GPC5: variants seen among roughly 807,000 people sequenced by gnomAD.
GPC5 encodes glypican-5.
Under a neutral mutation model 53.9 loss-of-function variants are expected in GPC5, and 47 were observed. The observed-to-expected ratio is 0.87, with a 90% CI of 0.69 to 1.11. GPC5 has a LOEUF of 1.11. Among genes scored for constraint, GPC5 ranks in the 50% most tolerant of loss-of-function variants. The pLI, the probability that GPC5 is intolerant of heterozygous loss-of-function variation, is 0.00. For synonymous variants in GPC5, 286 were observed against 263.3 expected, an observed-to-expected ratio of 1.09 and a Z score of -0.84; for missense variants, 748 against 713.1, an observed-to-expected ratio of 1.05 and a Z score of -0.56.
intron 2 of GPC5, among the ~76,000 whole-genome samples, chr13:91,643,169 G>C (rs1249596360): frequency 2.0e-5 from 3 of 152,110 alleles, no homozygotes; most frequent in African/African-American, 7.2e-5. Context: ...AAAGCAAGGG[G>C]TAAGAAAGTT....
At chr13:91,445,083 C>T (rs1880690912) in intron 1 of GPC5, among the ~76,000 whole-genome samples, 2 of 152,168 alleles carry the variant, frequency 1.3e-5, no homozygotes, top group Admixed American at 6.5e-5. Flanking sequence ...TTATTTTTCC[C>T]TTCTTCACGG....
At chr13:91,977,854 G>A (rs1183612094) in intron 6 of GPC5, among the ~76,000 whole-genome samples, 2 of 151,786 alleles carry the variant, frequency 1.3e-5, no homozygotes, top group African/African-American at 2.4e-5. Context: ...GATCATGCCT[G>A]TAATCTCGGC....
At chr13:91,578,673 CATAT>C (rs3055891) in intron 2 of GPC5, among the ~76,000 whole-genome samples, 43,419 of 148,956 alleles carry the variant, frequency 0.29, 6,386 homozygotes, top group Middle Eastern at 0.37. Flanking sequence ...ATTTTTGATT[CATAT>C]ATATATATAT....
chr13:91,834,130 G>A (rs1461259623), intron 5 of GPC5, among the ~76,000 whole-genome samples: 6 of 152,104 alleles, frequency 3.9e-5, no homozygotes, highest in Non-Finnish European at 7.4e-5. Flanking sequence ...AATCATGAGT[G>A]AACTCCCATT....
chr13:91,531,913 T>C (rs1040482540), intron 2 of GPC5, among the ~76,000 whole-genome samples: 2 of 152,226 alleles, frequency 1.3e-5, no homozygotes, highest in African/African-American at 4.8e-5. Flanking sequence ...CTCTTAGATC[T>C]TTCTGCTAAT....
At chr13:91,884,257 T>G (rs2138955953) in intron 5 of GPC5, among the ~76,000 whole-genome samples, 1 of 152,224 alleles carries the variant, frequency 6.6e-6, no homozygotes, top group Admixed American at 6.5e-5. Flanking sequence ...GTATATATAC[T>G]CAAAGGAATA....
At chr13:91,634,192 A>G (rs1359063437) in intron 2 of GPC5, among the ~76,000 whole-genome samples, 1 of 152,084 alleles carries the variant, frequency 6.6e-6, no homozygotes, top group East Asian at 1.9e-4. Flanking sequence ...TTATTCAATA[A>G]TCTATTTCTA....
At chr13:92,676,787 T>G (rs1221421690) in intron 7 of GPC5, among the ~76,000 whole-genome samples, 4 of 152,136 alleles carry the variant, frequency 2.6e-5, no homozygotes. Context: ...ATCTTTTAAT[T>G]AAGAGTACCG....
In GPC5 at chr13:92,609,915, C is replaced by A. The variant is rs1356842582; in HGVS notation, c.1562-256367C>A. 2.0e-5 allele frequency among the ~76,000 whole-genome samples: 3 copies of A among 151,344 alleles called. No homozygotes were observed. In the East Asian group the frequency reaches 5.9e-4, roughly 30 times the overall value. On this transcript the variant is annotated intron_variant, in intron 7 of 7. Transcript: ENST00000377067. ...GCATGGTGGCATGTGCCTGTAATCC[C>A]AGCTCCTCTGGAGGCTGAGGCAGGA...
rs923882962 is a variant in GPC5, at chr13:91,667,869, T to C, written c.326-25318T>C. Among the ~76,000 whole-genome samples, 4 of 152,116 alleles carry C rather than the reference T, an allele frequency of 2.6e-5. No individual in the cohort carries two copies. The East Asian group carries it at 7.7e-4, about 29-fold the overall frequency. On this transcript the variant is annotated intron_variant, in intron 2 of 7. Transcript: ENST00000377067. ...GCCTAGAGAACTAGGCAATCTCATC[T>C]CCTCCAGTGAGGCTCTGGACCCTGC...
In GPC5 at chr13:92,398,134, G is replaced by T. The variant is rs186372092; in HGVS notation, c.1561+253145G>T. On this transcript the variant is annotated intron_variant, in intron 7 of 7. Transcript: ENST00000377067. ...AAGAATCAGAAAAAGTTAAAAACAG[G>T]ATTAATTTATTTTAAAAAATTATTC... 2.3e-3 allele frequency among the ~76,000 whole-genome samples: 343 copies of T among 152,118 alleles called. 3 individuals carry two copies. Among genetic ancestry groups the T allele is most frequent in the Non-Finnish European group, 2.0e-3 (133 of 67,998 alleles).
chr13:92,131,914 A>C (rs2041747150), intron 6 of GPC5, among the ~76,000 whole-genome samples: 1 of 105,214 alleles, frequency 9.5e-6, no homozygotes, highest in South Asian at 4.3e-4. Context: ...CCACCATTAT[A>C]CACTTAAGTA....
intron 5 of GPC5, among the ~76,000 whole-genome samples, chr13:91,830,859 A>G (rs2038646292): frequency 7.9e-6 from 1 of 126,428 alleles, no homozygotes; most frequent in African/African-American, 3.0e-5. Flanking sequence ...TATATATCCT[A>G]TTATATATAA....
At chr13:92,020,530 T>A (rs1243771162) in intron 6 of GPC5, among the ~76,000 whole-genome samples, 1 of 152,120 alleles carries the variant, frequency 6.6e-6, no homozygotes, top group Non-Finnish European at 1.5e-5. Flanking sequence ...AAATGATATC[T>A]CATTGTGGTT....
chr13:92,576,172 T>G (rs1289422317), intron 7 of GPC5, among the ~76,000 whole-genome samples: 1 of 152,234 alleles, frequency 6.6e-6, no homozygotes, highest in Non-Finnish European at 1.5e-5. Flanking sequence ...CTTCATAACA[T>G]TAGTTTTTGA....
chr13:91,408,543 T>C (rs901142773), intron 1 of GPC5, among the ~76,000 whole-genome samples: 1 of 152,084 alleles, frequency 6.6e-6, no homozygotes, highest in Non-Finnish European at 1.5e-5. Flanking sequence ...TTGTGGCTGG[T>C]TATTTGTTTA....
At chr13:91,714,714 G>A (rs903725016) in intron 3 of GPC5, among the ~76,000 whole-genome samples, 12 of 152,090 alleles carry the variant, frequency 7.9e-5, no homozygotes, top group African/African-American at 2.7e-4. Context: ...AGGAGTTAGA[G>A]AAGCAAGCAA....
chr13:92,182,878 A>C (rs2042157740), intron 7 of GPC5, among the ~76,000 whole-genome samples: 1 of 140,990 alleles, frequency 7.1e-6, no homozygotes, highest in Non-Finnish European at 1.6e-5. Flanking sequence ...CAAAAAAAGA[A>C]AAAAAAAAAA....
At chr13:92,730,642 C>T (rs1489430453) in intron 7 of GPC5, among the ~76,000 whole-genome samples, 1 of 150,910 alleles carries the variant, frequency 6.6e-6, no homozygotes, top group Non-Finnish European at 1.5e-5. Context: ...GTTCCAGTAT[C>T]ATTTATTGAA....
Sources: gnomAD v4.1 joint callset for allele counts (sites outside exome capture counted in the v4.1 genomes callset) on GRCh38, gnomAD v4.1.1 for gene constraint, MANE v1.5 for transcripts, NCBI Gene and HGNC (gene_info 2026-07-23, HGNC 2026-07-21) for gene names.